SLC30A10: variants seen among roughly 807,000 people sequenced by gnomAD.
SLC30A10 encodes calcium/manganese antiporter SLC30A10.
A neutral mutation model predicts 21.7 loss-of-function variants in SLC30A10; 8 were observed. That is an observed-to-expected ratio of 0.37 (90% CI 0.22 to 0.67). The LOEUF is 0.67. Ranked by LOEUF, SLC30A10 falls within the 30% of genes least tolerant of loss-of-function variation. SLC30A10 has a pLI of 0.58. For missense variants in SLC30A10, 521 were observed against 642.5 expected (o/e 0.81, Z 2.04); for synonymous variants, 272 against 279.4 (o/e 0.97, Z 0.26).
intron 1 of SLC30A10, among the ~76,000 whole-genome samples, chr1:219,944,173 C>T (rs1461369550): frequency 1.3e-5 from 2 of 150,058 alleles, no homozygotes; most frequent in African/African-American, 4.9e-5. Flanking sequence ...ACTGGCGGGG[C>T]ATGACAGCTT....
chr1:219,933,891 G>T, intron 1 of SLC30A10, among the ~76,000 whole-genome samples: 1 of 152,146 alleles, frequency 6.6e-6, no homozygotes, highest in East Asian at 1.9e-4. Flanking sequence ...GTGACTCAAC[G>T]CCTGTAATCC....
chr1:219,917,133 CT>C (rs1202846497), intron 3 of SLC30A10, among the ~76,000 whole-genome samples: 1 of 151,108 alleles, frequency 6.6e-6, no homozygotes, highest in Non-Finnish European at 1.5e-5. Context: ...ACAACCTTTA[CT>C]TTTTTATTTA....
At chr1:219,953,486 C>T (rs1558261972) in intron 1 of SLC30A10, among the ~76,000 whole-genome samples, 1 of 151,600 alleles carries the variant, frequency 6.6e-6, no homozygotes, top group Non-Finnish European at 1.5e-5. Flanking sequence ...ATCCCACCTA[C>T]TCGGGAGGCT....
intron 1 of SLC30A10, among the ~76,000 whole-genome samples, chr1:219,954,923 G>T (rs1361177545): frequency 1.3e-5 from 2 of 152,032 alleles, no homozygotes; most frequent in African/African-American, 4.8e-5. Flanking sequence ...GTACAGCAAG[G>T]TTATTCGTAC....
intron 1 of SLC30A10, among the ~76,000 whole-genome samples, chr1:219,950,675 C>T (rs947063415): frequency 1.3e-5 from 2 of 152,058 alleles, no homozygotes; most frequent in African/African-American, 2.4e-5. Context: ...ATAGGCTGGG[C>T]GTGTTGGCTC....
intron 1 of SLC30A10, among the ~76,000 whole-genome samples, chr1:219,953,985 C>G (rs12724773): frequency 6.6e-6 from 1 of 151,904 alleles, no homozygotes; most frequent in Admixed American, 6.6e-5. Flanking sequence ...GGATTACAGG[C>G]GTGAGCCACC....
intron 1 of SLC30A10, among the ~76,000 whole-genome samples, chr1:219,954,556 T>C (rs1395107610): frequency 2.0e-5 from 3 of 151,850 alleles, no homozygotes; most frequent in East Asian, 3.9e-4. Flanking sequence ...GGCGCACGCC[T>C]GTAATCCCAG....
At chr1:219,936,881 G>A (rs1047429851) in intron 1 of SLC30A10, among the ~76,000 whole-genome samples, 3 of 152,144 alleles carry the variant, frequency 2.0e-5, no homozygotes, top group Non-Finnish European at 4.4e-5. Context: ...TTGTGTACCT[G>A]TAATTCTGAA....
intron 1 of SLC30A10, among the ~76,000 whole-genome samples, chr1:219,935,342 T>C (rs1329609201): frequency 6.6e-6 from 1 of 152,230 alleles, no homozygotes; most frequent in African/African-American, 2.4e-5. Flanking sequence ...TTTTAGACTA[T>C]ATGAACATGA....
chr1:219,918,543 CG>C lies in SLC30A10; in HGVS notation c.719-50del. On this transcript the variant is annotated intron_variant, in intron 2 of 3. Coordinates refer to ENST00000366926, the MANE Select transcript of SLC30A10 (RefSeq NM_018713.3). The surrounding 1 kb of genome is among the most constrained non-coding windows in gnomAD (Gnocchi z 4.4). ...AGCACAGATGCAAATCTGGAAGCCA[CG>C]TGACACTCACTGACTTGGGTGTCCG... 2 of 1,526,798 alleles carry C rather than the reference CG, an allele frequency of 1.3e-6. No homozygotes were observed. The highest frequency in any genetic ancestry group is 4.2e-5 in the Admixed American group (2 of 47,446). 94.6% of individuals were successfully genotyped at this position (1,526,798 alleles called of 1,614,324 possible).
intron 1 of SLC30A10, among the ~76,000 whole-genome samples, chr1:219,937,285 G>T (rs1051504564): frequency 3.9e-5 from 6 of 151,940 alleles, no homozygotes; most frequent in Non-Finnish European, 8.8e-5. Flanking sequence ...CTTTATTTTT[G>T]ATATTTAGCA....
chr1:219,942,446 G>A (rs1359252772), intron 1 of SLC30A10, among the ~76,000 whole-genome samples: 5 of 152,116 alleles, frequency 3.3e-5, no homozygotes, highest in African/African-American at 7.2e-5. Flanking sequence ...ACAAAAACCC[G>A]CTGCCCCAAA....
chr1:219,938,726 G>A (rs536674882), intron 1 of SLC30A10, among the ~76,000 whole-genome samples: 73 of 152,284 alleles, frequency 4.8e-4, no homozygotes, highest in African/African-American at 1.6e-3. Context: ...TAAGAAATGG[G>A]TATTATTTAT....
At chr1:219,941,401 G>A (rs949482069) in intron 1 of SLC30A10, among the ~76,000 whole-genome samples, 2 of 152,238 alleles carry the variant, frequency 1.3e-5, no homozygotes, top group Non-Finnish European at 2.9e-5. Flanking sequence ...GGCAGTCACA[G>A]CAGTGAGTAT....
intron 2 of SLC30A10, among the ~76,000 whole-genome samples, chr1:219,924,734 G>T (rs1478037387): frequency 6.6e-6 from 1 of 152,146 alleles, no homozygotes; most frequent in African/African-American, 2.4e-5. Flanking sequence ...TTCATGAATG[G>T]TACCAGGGAC....
In SLC30A10 at chr1:219,918,523, A is replaced by G. The variant is rs1172823587; in HGVS notation, c.719-29T>C. 1 of 1,544,918 alleles carries G rather than the reference A, an allele frequency of 6.5e-7. No individual in the cohort carries two copies. Among genetic ancestry groups the G allele is most frequent in the Non-Finnish European group, 8.7e-7 (1 of 1,145,196 alleles). The stretch of plus-strand genomic sequence containing the variant: ...CCAGGAAGAAAGACTACTGCAGCAC[A>G]GATGCAAATCTGGAAGCCACGTGAC... On this transcript the variant is annotated intron_variant, in intron 2 of 3. Transcript: ENST00000366926. The surrounding 1 kb of genome is among the most constrained non-coding windows in gnomAD (Gnocchi z 4.4).
intron 2 of SLC30A10, among the ~76,000 whole-genome samples, chr1:219,925,176 T>C (rs1254134337): frequency 6.6e-6 from 1 of 152,196 alleles, no homozygotes; most frequent in Non-Finnish European, 1.5e-5. Context: ...TATGAGGGCC[T>C]ACTCTTCTTC....
At chr1:219,941,688 T>TTCTCTCTCTC (rs148839566) in intron 1 of SLC30A10, among the ~76,000 whole-genome samples, 1 of 133,970 alleles carries the variant, frequency 7.5e-6, no homozygotes, top group African/African-American at 2.9e-5. Flanking sequence ...CTTTCTCCCT[T>TTCTCTCTCTC]TCTCTCTCTC....
chr1:219,957,262 A>G (rs930368085), intron 1 of SLC30A10, among the ~76,000 whole-genome samples: 1 of 152,168 alleles, frequency 6.6e-6, no homozygotes, highest in Non-Finnish European at 1.5e-5. Context: ...AGATACTCTC[A>G]TAACATATGT....
Sources: gnomAD v4.1 joint callset for allele counts (sites outside exome capture counted in the v4.1 genomes callset) on GRCh38, gnomAD v4.1.1 for gene constraint, Gnocchi (gnomAD v3.1) non-coding constraint, MANE v1.5 for transcripts, NCBI Gene and HGNC (gene_info 2026-07-23, HGNC 2026-07-21) for gene names.